The following RBFOX1 variants were observed in gnomAD, a reference collection of about 807,000 sequenced individuals.
RBFOX1 encodes RNA binding fox-1 homolog 1.
Under a neutral mutation model 57.7 loss-of-function variants are expected in RBFOX1, and 8 were observed. The observed-to-expected ratio is 0.14, with a 90% CI of 0.08 to 0.25. The LOEUF (loss-of-function observed/expected upper bound fraction) is 0.25. Ranked by LOEUF, RBFOX1 falls within the 10% of genes least tolerant of loss-of-function variation. RBFOX1 has a pLI of 1.00. For missense variants in RBFOX1, 611 were observed against 548.5 expected (o/e 1.11, Z -1.14); for synonymous variants, 326 against 222.4 (o/e 1.47, Z -4.15).
In RBFOX1 at chr16:6,004,336, C is replaced by T. The variant is rs8054428; in HGVS notation, c.351+137001C>T. Among the ~76,000 whole-genome samples, 238 of 152,270 alleles carry T rather than the reference C, an allele frequency of 1.6e-3. 1 individual carries two copies. Among genetic ancestry groups the T allele is most frequent in the African/African-American group, 5.5e-3 (227 of 41,550 alleles). On this transcript the variant is annotated intron_variant, in intron 4 of 19. Transcript: ENST00000641259. ...CTTCTCTAAGCCTCAGTTTTCTTAT[C>T]TGCAAAATGGAGATAATATTTTATC...
chr16:7,126,083 C>G (rs1205983653), intron 4 of RBFOX1, among the ~76,000 whole-genome samples: 5 of 152,056 alleles, frequency 3.3e-5, no homozygotes, highest in African/African-American at 1.2e-4. Flanking sequence ...ACTCCATCTC[C>G]CCCCACCAAA....
At position 6,938,506 on chromosome 16, in the gene RBFOX1, A is replaced by C. The variant is rs977147622; in HGVS notation, c.-15-113551A>C. Among the ~76,000 whole-genome samples the C allele has an allele frequency of 2.0e-5, 3 of 152,282 alleles. No individual in the cohort carries two copies. In the East Asian group the frequency reaches 5.8e-4, roughly 29 times the overall value. On this transcript the variant is annotated intron_variant, in intron 3 of 15. Transcript: ENST00000550418. ...TCTAAGTCTCATCCATAATATTAATAAGGATTAAATAAGGTAAATGCCTAA... is the reference window on the plus strand; with the variant it reads ...TCTAAGTCTCATCCATAATATTAATCAGGATTAAATAAGGTAAATGCCTAA...
chr16:7,034,988 C>T (rs976984585), intron 3 of RBFOX1, among the ~76,000 whole-genome samples: 2 of 150,570 alleles, frequency 1.3e-5, no homozygotes, highest in African/African-American at 4.9e-5. Flanking sequence ...GCTGGGCCTA[C>T]AGGTGCCCAC....
Position 5,800,616 on chromosome 16 carries a change from C to T in RBFOX1, c.319-66687C>T, listed in dbSNP as rs537174658. Among the ~76,000 whole-genome samples, 132 of 152,248 alleles carry T rather than the reference C, an allele frequency of 8.7e-4. 1 individual carries two copies. The highest frequency in any genetic ancestry group is 2.9e-3 in the African/African-American group (121 of 41,548). ...TGGTGAAATGGATGTGACCCAGTGA[C>T]TCAGGGACACTTTTAGTGGCCTATT... is the stretch of plus-strand genomic sequence containing the variant. On this transcript the variant is annotated intron_variant, in intron 3 of 19. Transcript: ENST00000641259.
intron 3 of RBFOX1, among the ~76,000 whole-genome samples, chr16:6,716,936 G>T (rs2064948382): frequency 6.6e-6 from 1 of 152,178 alleles, no homozygotes. Flanking sequence ...TCTTTGGAAG[G>T]CCATTATATC....
At chr16:5,846,685 T>TG (rs1212731417) in intron 3 of RBFOX1, among the ~76,000 whole-genome samples, 1 of 152,194 alleles carries the variant, frequency 6.6e-6, no homozygotes, top group Non-Finnish European at 1.5e-5. Context: ...GACTTCCAGC[T>TG]GGTTCTTATT....
chr16:5,793,083 C>A (rs2054755477), intron 3 of RBFOX1, among the ~76,000 whole-genome samples: 1 of 152,198 alleles, frequency 6.6e-6, no homozygotes, highest in Non-Finnish European at 1.5e-5. Context: ...TTCCCGTTTT[C>A]CAGACCTCAG....
At chr16:6,283,827 T>C (rs2076634545) in intron 1 of RBFOX1, among the ~76,000 whole-genome samples, 1 of 152,228 alleles carries the variant, frequency 6.6e-6, no homozygotes, top group African/African-American at 2.4e-5. Flanking sequence ...GGCAGAGATA[T>C]GGCCAAATTA....
chr16:6,898,794 C>T lies in RBFOX1; in HGVS notation c.-15-153263C>T, dbSNP rs544551461. Among the ~76,000 whole-genome samples the T allele has an allele frequency of 9.3e-5, 14 of 150,452 alleles. No homozygotes were observed. In the East Asian group the frequency reaches 9.9e-4, roughly 11 times the overall value. ...ACATGCATCTGTGTGTATGCATGTG[C>T]GTGTCTGTATAACGTGCATGTGTAT... is the stretch of plus-strand genomic sequence containing the variant. On this transcript the variant is annotated intron_variant, in intron 3 of 15. Coordinates refer to ENST00000550418, the MANE Select transcript of RBFOX1 (RefSeq NM_018723.4).
chr16:5,783,597 CA>C (rs1272060418), intron 3 of RBFOX1, among the ~76,000 whole-genome samples: 1 of 152,164 alleles, frequency 6.6e-6, no homozygotes, highest in East Asian at 1.9e-4. Context: ...CATATTTTAA[CA>C]TAATTGTTTT....
chr16:7,021,913 T>TTTTC (rs989333092), intron 3 of RBFOX1, among the ~76,000 whole-genome samples: 2 of 149,554 alleles, frequency 1.3e-5, no homozygotes, highest in African/African-American at 4.9e-5. Flanking sequence ...TCTTTCTTTC[T>TTTTC]TTTCTTTCTT....
At chr16:5,241,179 G>T (rs1213016900) in intron 1 of RBFOX1, among the ~76,000 whole-genome samples, 1 of 152,196 alleles carries the variant, frequency 6.6e-6, no homozygotes, top group Non-Finnish European at 1.5e-5. Context: ...CAGTCTTGGG[G>T]TTGCTCCCGG....
chr16:7,144,268 C>T (rs2074437121), intron 4 of RBFOX1, among the ~76,000 whole-genome samples: 1 of 152,110 alleles, frequency 6.6e-6, no homozygotes, highest in Non-Finnish European at 1.5e-5. Flanking sequence ...AAGCAAAGAA[C>T]TTCCTCCCCA....
intron 2 of RBFOX1, among the ~76,000 whole-genome samples, chr16:5,532,140 T>C (rs1253247393): frequency 2.6e-5 from 4 of 152,248 alleles, no homozygotes; most frequent in South Asian, 4.1e-4. Context: ...CTCAACACTA[T>C]TGATGTGGCA....
chr16:7,629,228 A>G (rs1165165113), intron 10 of RBFOX1, among the ~76,000 whole-genome samples: 1 of 152,142 alleles, frequency 6.6e-6, no homozygotes, highest in East Asian at 1.9e-4. Context: ...TGGGTTAGAA[A>G]GAATTGTGTC....
chr16:5,702,714 G>T (rs1407936425), intron 3 of RBFOX1, among the ~76,000 whole-genome samples: 1 of 152,152 alleles, frequency 6.6e-6, no homozygotes, highest in African/African-American at 2.4e-5. Flanking sequence ...GGTTCATAGT[G>T]GTGTTGACCT....
In RBFOX1 at chr16:6,359,131, C is replaced by G. The variant is rs554293585; in HGVS notation, c.-64+42074C>G. Among the ~76,000 whole-genome samples the G allele has an allele frequency of 3.3e-5, 5 of 152,248 alleles. No homozygotes were observed. In the East Asian group the frequency reaches 9.7e-4, roughly 29 times the overall value. ...GTTTTGAGACGGAGTCTAGCTCTGT[C>G]ACCCAGGCTGGAGTGCAGTGGCACG... On this transcript the variant is annotated intron_variant, in intron 2 of 15. Coordinates refer to ENST00000550418, the MANE Select transcript of RBFOX1 (RefSeq NM_018723.4).
intron 4 of RBFOX1, among the ~76,000 whole-genome samples, chr16:7,494,842 T>TTTTC (rs34281560): frequency 6.6e-6 from 1 of 150,766 alleles, no homozygotes; most frequent in African/African-American, 2.4e-5. Context: ...TTTTTTTTTT[T>TTTTC]TTTTTTTGCA....
At chr16:6,783,425 G>T (rs1256012095) in intron 3 of RBFOX1, among the ~76,000 whole-genome samples, 11 of 120,076 alleles carry the variant, frequency 9.2e-5, no homozygotes, top group Admixed American at 1.8e-4. Flanking sequence ...TTGCTTTGTA[G>T]TTACCATGAA....
Sources: allele counts gnomAD v4.1 joint callset (sites outside exome capture counted in the v4.1 genomes callset), GRCh38; gene constraint gnomAD v4.1.1; transcripts MANE v1.5; gene names NCBI Gene and HGNC (gene_info 2026-07-23, HGNC 2026-07-21).